Variants in RIC8B observed in about 807,000 individuals in gnomAD.
RIC8B encodes RIC8 guanine nucleotide exchange factor B.
Under a neutral mutation model 57.5 loss-of-function variants are expected in RIC8B, and 16 were observed. That is an observed-to-expected ratio of 0.28 (90% CI 0.19 to 0.42). The LOEUF is 0.42. RIC8B is among the 10% of genes least tolerant of loss of function. RIC8B has a pLI of 1.00. For synonymous variants in RIC8B, 216 were observed against 250.8 expected, an observed-to-expected ratio of 0.86 and a Z score of 1.31; for missense variants, 481 against 677.0, an observed-to-expected ratio of 0.71 and a Z score of 3.21.
chr12:106,840,508 A>G (rs1257047242), intron 4 of RIC8B, among the ~76,000 whole-genome samples: 1 of 152,212 alleles, frequency 6.6e-6, no homozygotes, highest in Non-Finnish European at 1.5e-5. Flanking sequence ...GGAGAATTTC[A>G]TACACTCTTC....
chr12:106,863,702 G>GT (rs1312543517), intron 8 of RIC8B, among the ~76,000 whole-genome samples: 1 of 152,030 alleles, frequency 6.6e-6, no homozygotes, highest in East Asian at 1.9e-4. Flanking sequence ...GTCATAAAAC[G>GT]TATCTAAATT....
chr12:106,877,502 G>A (rs555013353), intron 9 of RIC8B, among the ~76,000 whole-genome samples: 12 of 152,268 alleles, frequency 7.9e-5, no homozygotes, highest in Non-Finnish European at 1.0e-4. Flanking sequence ...TGAGCTCTTC[G>A]TAGGTATCAG....
Position 106,811,966 on chromosome 12 carries a change from T to C in RIC8B, c.133-2730T>C, listed in dbSNP as rs140651429. On this transcript the variant is annotated intron_variant, in intron 2 of 9. Transcript: ENST00000392837. ...AATGCTGCCTTTTCAACCACTTTTATTTGTTTCTAATAATATTCTTTAAAT... is the reference window on the plus strand; with the variant it reads ...AATGCTGCCTTTTCAACCACTTTTACTTGTTTCTAATAATATTCTTTAAAT... Among the ~76,000 whole-genome samples, 439 of 152,322 alleles carry C rather than the reference T, an allele frequency of 2.9e-3. 8 individuals carry two copies. The highest frequency in any genetic ancestry group is 3.4e-3 in the Middle Eastern group (1 of 294).
At chr12:106,826,795 T>C (rs1395585446) in intron 4 of RIC8B, among the ~76,000 whole-genome samples, 1 of 152,020 alleles carries the variant, frequency 6.6e-6, no homozygotes, top group Admixed American at 6.5e-5. Context: ...ATAAAATATA[T>C]AAAATAGTTC....
intron 3 of RIC8B, among the ~76,000 whole-genome samples, chr12:106,819,684 C>A (rs1415793831): frequency 2.7e-5 from 4 of 147,096 alleles, no homozygotes; most frequent in Non-Finnish European, 4.5e-5. Context: ...CACTTGAGCC[C>A]AGAAGGTTAA....
intron 9 of RIC8B, chr12:106,871,424 A>C (rs1446427377): frequency 6.8e-6 from 1 of 147,934 alleles, no homozygotes; most frequent in Non-Finnish European, 1.5e-5. Flanking sequence ...GAAATAGCTC[A>C]CATGAAGGAT....
chr12:106,801,058 A>G (rs1020719218), intron 2 of RIC8B, among the ~76,000 whole-genome samples: 1 of 152,244 alleles, frequency 6.6e-6, no homozygotes, highest in Non-Finnish European at 1.5e-5. Flanking sequence ...GTATTTGCCA[A>G]CATACTAACT....
At chr12:106,796,978 C>G (rs1431704204) in intron 2 of RIC8B, among the ~76,000 whole-genome samples, 1 of 152,166 alleles carries the variant, frequency 6.6e-6, no homozygotes, top group East Asian at 1.9e-4. Flanking sequence ...AATATCAATT[C>G]ATACCCACTA....
At chr12:106,819,753 A>G (rs1461938104) in intron 3 of RIC8B, among the ~76,000 whole-genome samples, 4 of 147,828 alleles carry the variant, frequency 2.7e-5, no homozygotes, top group Non-Finnish European at 6.0e-5. Flanking sequence ...AAAAAAAAAA[A>G]GAGGAGGAGG....
chr12:106,883,433 A>G (rs890591621), intron 9 of RIC8B, among the ~76,000 whole-genome samples: 6 of 152,170 alleles, frequency 3.9e-5, no homozygotes, highest in African/African-American at 1.4e-4. Context: ...GAACATTTCT[A>G]CATGGTTGTC....
intron 2 of RIC8B, among the ~76,000 whole-genome samples, chr12:106,807,489 G>A (rs573363832): frequency 6.6e-6 from 1 of 152,324 alleles, no homozygotes; most frequent in East Asian, 1.9e-4. Flanking sequence ...TATAGAAGGG[G>A]ATAAGACAGT....
At position 106,867,112 on chromosome 12, in the gene RIC8B, G is replaced by T. The variant is rs1001058492; in HGVS notation, c.1452-3711G>T. 1.3e-5 allele frequency among the ~76,000 whole-genome samples: 2 copies of T among 152,160 alleles called. No homozygotes were observed. Among genetic ancestry groups the T allele is most frequent in the African/African-American group, 4.8e-5 (2 of 41,432 alleles). ...TTTTAATGGATCTTTTTTGTTAAAT[G>T]ACCTAGTACTGTTGATGTTGGCCAA... On this transcript the variant is annotated intron_variant, in intron 8 of 9. Transcript: ENST00000392837. This position sits in a 1 kb window ranked among gnomAD's most constrained non-coding sequence, Gnocchi z 4.3.
At chr12:106,779,744 C>T (rs2043666612) in intron 1 of RIC8B, among the ~76,000 whole-genome samples, 1 of 147,790 alleles carries the variant, frequency 6.8e-6, no homozygotes, top group South Asian at 2.1e-4. Context: ...GATACAGAAT[C>T]CTTTGGCTAC....
At chr12:106,796,011 A>G (rs952765158) in intron 2 of RIC8B, among the ~76,000 whole-genome samples, 2 of 152,228 alleles carry the variant, frequency 1.3e-5, no homozygotes, top group East Asian at 1.9e-4. Context: ...GAAGCTTAAA[A>G]TAAATGAAAA....
chr12:106,814,826 A>G lies in RIC8B; in HGVS notation c.263A>G (p.Asn88Ser), dbSNP rs2045498503. The change falls in exon 3 of 10, where the codon AAT becomes AGT. Residue 88 changes from asparagine to serine, a missense_variant. By Grantham distance (46) the Asn-to-Ser change is conservative. This residue lies in a region of RIC8B where 421 missense variants were observed against 560.9 expected (regional missense o/e 0.75). Transcript: ENST00000392837. ...TTAGTTCCTGTGACAACTAAGGAAA[A>G]TATGCAGATACTGCTGCGACTAGCC... is the stretch of plus-strand genomic sequence containing the variant. ...KVLVPVTTKE[N>S]MQILLRLAKL... is the part of the protein sequence containing the mutation. The G allele has an allele frequency of 6.2e-7, 1 of 1,614,244 alleles. No homozygotes were observed.
intron 2 of RIC8B, among the ~76,000 whole-genome samples, chr12:106,788,173 A>C (rs539067728): frequency 6.6e-6 from 1 of 152,354 alleles, no homozygotes; most frequent in Admixed American, 6.5e-5. Context: ...TTAAAGCTCC[A>C]AAATGATCTC....
chr12:106,868,766 GACACACACACACACAC>G (rs56293147), intron 8 of RIC8B, among the ~76,000 whole-genome samples: 1,386 of 123,020 alleles, frequency 0.011, 28 homozygotes, highest in African/African-American at 0.037. Context: ...AGGCACTCTA[GACACACACACACACAC>G]ACACACACAC....
chr12:106,812,691 A>AT (rs1224044599), intron 2 of RIC8B, among the ~76,000 whole-genome samples: 2 of 152,052 alleles, frequency 1.3e-5, no homozygotes, highest in Non-Finnish European at 2.9e-5. Flanking sequence ...TGTAGAATGT[A>AT]TTTTTTTGTC....
At chr12:106,868,092 C>T (rs1950215861) in intron 8 of RIC8B, among the ~76,000 whole-genome samples, 1 of 152,122 alleles carries the variant, frequency 6.6e-6, no homozygotes, top group African/African-American at 2.4e-5. Flanking sequence ...TAATTTCCAC[C>T]AAGCTCTTAA....
Sources: gnomAD v4.1 joint callset for allele counts (sites outside exome capture counted in the v4.1 genomes callset) on GRCh38, gnomAD v4.1.1 for gene constraint, gnomAD v4.1.1 regional missense constraint, Gnocchi (gnomAD v3.1) non-coding constraint, MANE v1.5 for transcripts, NCBI Gene and HGNC (gene_info 2026-07-23, HGNC 2026-07-21) for gene names.